SLC41A3: variants seen among roughly 807,000 people sequenced by gnomAD.
SLC41A3 encodes the protein solute carrier family 41 member 3, also known as SLC41A1-like 2.
A neutral mutation model predicts 45.4 loss-of-function variants in SLC41A3; 44 were observed. That is an observed-to-expected ratio of 0.97 (90% confidence interval 0.76 to 1.25). The LOEUF (loss-of-function observed/expected upper bound fraction) is 1.25, where lower values mean the gene tolerates loss of function less well. SLC41A3 is among the 50% of genes most tolerant of loss of function. The pLI is 0.00. For synonymous variants in SLC41A3, 256 were observed against 252.4 expected (o/e 1.01, Z -0.13); for missense variants, 550 against 600.6 (o/e 0.92, Z 0.88).
At chr3:126,061,130 A>G (rs1011632354) in intron 2 of SLC41A3, among the ~76,000 whole-genome samples, 2 of 152,128 alleles carry the variant, frequency 1.3e-5, no homozygotes, top group African/African-American at 4.8e-5. Context: ...GCAGCATCCA[A>G]TTCATTTCTC....
At position 126,072,988 on chromosome 3, in the gene SLC41A3, C is replaced by G. The variant is rs556448596; in HGVS notation, c.-27-4742G>C. Among the ~76,000 whole-genome samples the G allele has an allele frequency of 7.9e-5, 12 of 152,296 alleles. No homozygotes were observed. In the South Asian group the frequency reaches 2.3e-3, roughly 29 times the overall value. ...CAGCAACATGGATGGAACTGGAGGC[C>G]ATAATCCTAAACAACCTAATGCAGA... On this transcript the variant is annotated intron_variant, in intron 1 of 10. Transcript: ENST00000360370.
chr3:126,044,813 G>A (rs372377803), intron 3 of SLC41A3, among the ~76,000 whole-genome samples: 101 of 147,280 alleles, frequency 6.9e-4, no homozygotes, highest in African/African-American at 2.2e-3. Flanking sequence ...GAAGAATGGC[G>A]TGAACCCGGG....
intron 6 of SLC41A3, among the ~76,000 whole-genome samples, chr3:126,021,023 T>G (rs1238212079): frequency 6.6e-6 from 1 of 151,970 alleles, no homozygotes; most frequent in African/African-American, 2.4e-5. Context: ...GCCTGCCGAG[T>G]AGCTGGGACT....
intron 2 of SLC41A3, among the ~76,000 whole-genome samples, chr3:126,058,391 G>A (rs1168597574): frequency 6.6e-6 from 1 of 152,206 alleles, no homozygotes; most frequent in Non-Finnish European, 1.5e-5. Context: ...GGCTCTGGTA[G>A]GGATGAGCAT....
chr3:126,093,959 C>G (rs1945544294), intron 1 of SLC41A3, among the ~76,000 whole-genome samples: 1 of 152,188 alleles, frequency 6.6e-6, no homozygotes, highest in Non-Finnish European at 1.5e-5. Context: ...TCAACCTGCT[C>G]AATTTAACAT....
upstream of SLC41A3, among the ~76,000 whole-genome samples, chr3:126,086,915 A>T (rs1290363627): frequency 6.6e-6 from 1 of 152,184 alleles, no homozygotes; most frequent in Non-Finnish European, 1.5e-5. Flanking sequence ...AAAGCACTTA[A>T]ATACTTGATC....
At chr3:126,062,214 T>G (rs1944108627) in intron 2 of SLC41A3, among the ~76,000 whole-genome samples, 1 of 152,216 alleles carries the variant, frequency 6.6e-6, no homozygotes, top group Non-Finnish European at 1.5e-5. Context: ...ACCACCACCT[T>G]AATGGCATGA....
intron 9 of SLC41A3, among the ~76,000 whole-genome samples, chr3:126,009,675 G>C (rs775406098): frequency 2.0e-5 from 3 of 152,194 alleles, no homozygotes; most frequent in Admixed American, 6.5e-5. Flanking sequence ...CTCAAAGCTA[G>C]TGCAGAAGAG....
chr3:126,017,073 C>CAA (rs541882732), intron 6 of SLC41A3, among the ~76,000 whole-genome samples, 198 bp from the exon 7 acceptor site: 306 of 152,332 alleles, frequency 2.0e-3, no homozygotes, highest in African/African-American at 6.9e-3. Context: ...GTCCTCCATT[C>CAA]CTGCCACATT....
At chr3:126,041,233 C>G (rs1025242834) in intron 3 of SLC41A3, among the ~76,000 whole-genome samples, 1 of 147,612 alleles carries the variant, frequency 6.8e-6, no homozygotes, top group Non-Finnish European at 1.5e-5. Context: ...AAGGTAGACT[C>G]AGAAACTACA....
intron 1 of SLC41A3, among the ~76,000 whole-genome samples, chr3:126,090,313 C>T (rs781148845): frequency 6.6e-6 from 1 of 152,122 alleles, no homozygotes; most frequent in Non-Finnish European, 1.5e-5. Context: ...TGCAAATAAT[C>T]AGGACAAGTA....
chr3:126,041,499 A>T (rs1942591815), intron 3 of SLC41A3, among the ~76,000 whole-genome samples: 1 of 152,232 alleles, frequency 6.6e-6, no homozygotes, highest in Non-Finnish European at 1.5e-5. Context: ...ATGAGACTCA[A>T]AAGGGCGCAG....
In SLC41A3 at chr3:126,039,009, G is replaced by A. The variant is rs150880461; in HGVS notation, c.382-5331C>T. ...GTTTAGCACCTCCTCCCTCCCTCTC[G>A]CTCCGTCTCTCACCATGTGACACAC... On this transcript the variant is annotated intron_variant, in intron 3 of 10. Coordinates refer to ENST00000360370, the MANE Select transcript of SLC41A3 (RefSeq NM_017836.4). Among the ~76,000 whole-genome samples, 811 of 152,060 alleles carry A rather than the reference G, an allele frequency of 5.3e-3. 6 individuals carry two copies. The highest frequency in any genetic ancestry group is 0.018 in the African/African-American group (746 of 41,468).
intron 3 of SLC41A3, 82 bp downstream of exon 3, chr3:126,050,861 C>T (rs776389575): frequency 6.7e-7 from 1 of 1,490,230 alleles, no homozygotes; most frequent in Non-Finnish European, 9.0e-7. Flanking sequence ...CAACCCACCG[C>T]CCACAAGCCA....
At chr3:126,062,868 T>C (rs1944143668) in intron 2 of SLC41A3, among the ~76,000 whole-genome samples, 1 of 152,170 alleles carries the variant, frequency 6.6e-6, no homozygotes, top group Non-Finnish European at 1.5e-5. Context: ...GGTTCTAGGA[T>C]CTGCCCAAGT....
chr3:126,092,644 G>T, intron 1 of SLC41A3: 1 of 153,306 alleles, frequency 6.5e-6, no homozygotes, highest in South Asian at 1.8e-4. Context: ...CCAGGTTGAA[G>T]GGTTGCCAGA....
intron 2 of SLC41A3, chr3:126,056,576 C>A (rs199641267): frequency 3.8e-4 from 603 of 1,607,668 alleles, no homozygotes; most frequent in Non-Finnish European, 4.6e-4. Flanking sequence ...ACCACGATCC[C>A]AGGAGCACGA....
At chr3:126,076,690 T>A (rs967668431) in intron 1 of SLC41A3, among the ~76,000 whole-genome samples, 1 of 152,154 alleles carries the variant, frequency 6.6e-6, no homozygotes, top group Admixed American at 6.6e-5. Context: ...AACTCATTCC[T>A]CCCCACCCGA....
intron 5 of SLC41A3, chr3:126,025,138 T>C (rs999502334): frequency 6.6e-6 from 1 of 152,142 alleles, no homozygotes; most frequent in Non-Finnish European, 1.5e-5. Context: ...TTGTTGACAG[T>C]ATATCCCCAG....
Sources: gnomAD v4.1 joint callset for allele counts (sites outside exome capture counted in the v4.1 genomes callset) on GRCh38, gnomAD v4.1.1 for gene constraint, MANE v1.5 for transcripts, NCBI Gene and HGNC (gene_info 2026-07-23, HGNC 2026-07-21) for gene names.